The following TCN2 variants were observed in gnomAD, a reference collection of about 807,000 sequenced individuals.
The protein encoded by TCN2 is transcobalamin 2, also known as transcobalamin-2.
A neutral mutation model predicts 48.6 loss-of-function variants in TCN2; 34 were observed. The ratio of observed to expected loss-of-function variants is 0.70; its 90% confidence interval spans 0.53 to 0.93. The LOEUF (loss-of-function observed/expected upper bound fraction) is 0.93. Ranked by LOEUF, TCN2 falls within the 40% of genes least tolerant of loss-of-function variation. TCN2 has a pLI of 0.00. For synonymous variants in TCN2, 283 were observed against 212.5 expected, an observed-to-expected ratio of 1.33 and a Z score of -2.89; for missense variants, 652 against 526.1, an observed-to-expected ratio of 1.24 and a Z score of -2.34.
At chr22:30,624,894 A>G (rs1050961460) in intron 8 of TCN2, among the ~76,000 whole-genome samples, 7 of 152,212 alleles carry the variant, frequency 4.6e-5, no homozygotes, top group Non-Finnish European at 1.0e-4. Flanking sequence ...CTGCTATTAC[A>G]AAATACCATA....
rs1048963109 is a variant in TCN2 at position 30,623,713 on chromosome 22, CAG to C, written c.1222+632_1222+633del. ...CATATATATGAAATATATATATATA[CAG>C]ACACACATATATATGTATACATATA... On this transcript the variant is annotated intron_variant, in intron 8 of 8. Coordinates refer to ENST00000215838, the MANE Select transcript of TCN2 (RefSeq NM_000355.4). Among the ~76,000 whole-genome samples the C allele has an allele frequency of 1.2e-3, 118 of 97,634 alleles. 3 individuals are homozygous for C. Among genetic ancestry groups the C allele is most frequent in the African/African-American group, 3.5e-3 (78 of 22,258 alleles). The allele number at this position is 97,634 out of a possible 152,430, so 64.1% of individuals were successfully genotyped here.
intron 6 of TCN2, among the ~76,000 whole-genome samples, chr22:30,616,890 G>C (rs2145547287): frequency 6.6e-6 from 1 of 152,294 alleles, no homozygotes; most frequent in South Asian, 2.1e-4. Flanking sequence ...GAATTTTGAG[G>C]AATGGTCTTG....
chr22:30,617,478 T>C lies in TCN2; in HGVS notation c.1089T>C (p.His363=). 1 of 1,614,076 alleles carries C rather than the reference T, an allele frequency of 6.2e-7. No homozygotes were observed. Among genetic ancestry groups the C allele is most frequent in the Non-Finnish European group, 8.5e-7 (1 of 1,180,000 alleles). ...TGGAAGATGTCCTGAAGAAGGCCCA[T>C]GAGTTAGGAGGATTCACGTGAGACT... ...STVEDVLKKA[H]ELGGFTYETQ... The change falls in exon 7 of 9, where the codon CAT becomes CAC. Residue 363 remains histidine (H), a synonymous_variant. Coordinates refer to ENST00000215838, the MANE Select transcript of TCN2 (RefSeq NM_000355.4).
chr22:30,623,201 T>A, intron 8 of TCN2, 118 bp downstream of exon 8: 1 of 881,660 alleles, frequency 1.1e-6, no homozygotes, highest in Non-Finnish European at 1.8e-6. Context: ...CTTCACAAAA[T>A]CACTGATGCT....
chr22:30,613,048 C>G lies in TCN2; in HGVS notation c.427+6C>G, dbSNP rs537017994. ...GGATGAGAAGAGAGCCATTGGTGAG[C>G]AGACACCATCCGCTGGGGGTGGGGA... On this transcript the variant is annotated splice_donor_region_variant and intron_variant, in intron 3 of 8. Transcript: ENST00000215838. 19 of 1,613,722 alleles carry G rather than the reference C, an allele frequency of 1.2e-5. No homozygotes were observed. The East Asian group carries it at 4.0e-4, about 34-fold the overall frequency.
rs1332646331 is a variant in TCN2, at chr22:30,607,395, G to A, written c.64G>A (p.Glu22Lys). The change falls in exon 1 of 9, where the codon GAA (glutamate) becomes AAA (lysine). Residue 22 changes from glutamate to lysine, a missense_variant and splice_region_variant. By Grantham distance (56) the Glu-to-Lys change is moderately conservative. Transcript: ENST00000215838. ...GVLGALTEMC[E>K]IPEMDSHLVE... ...CCTGGGGGCCCTCACTGAGATGTGT[G>A]GTGAGTAACTCGCCTCTATCCTGTG... 4 of 1,614,008 alleles carry A rather than the reference G, an allele frequency of 2.5e-6. No homozygotes were observed. The highest frequency in any genetic ancestry group is 2.7e-5 in the African/African-American group (2 of 74,894).
At chr22:30,618,544 GT>G (rs1602051106) in intron 7 of TCN2, among the ~76,000 whole-genome samples, 1 of 152,126 alleles carries the variant, frequency 6.6e-6, no homozygotes, top group Non-Finnish European at 1.5e-5. Context: ...TAGAGACAGG[GT>G]TTTACTATGT....
chr22:30,625,509 G>A lies in TCN2; in HGVS notation c.1223-951G>A, dbSNP rs553272870. On this transcript the variant is annotated intron_variant, in intron 8 of 8. Coordinates refer to ENST00000215838, the MANE Select transcript of TCN2 (RefSeq NM_000355.4). ...ATGGGGGTCTCACTCTGTCACCCAC[G>A]CTGAGTGCAGTATCACAATCTCAGC... Among the ~76,000 whole-genome samples the A allele has an allele frequency of 1.1e-4, 17 of 151,490 alleles. 1 individual carries two copies. The highest frequency in any genetic ancestry group is 4.2e-4 in the South Asian group (2 of 4,794).
chr22:30,615,842 G>A, intron 6 of TCN2, 55 bp downstream of exon 6: 2 of 1,606,440 alleles, frequency 1.2e-6, no homozygotes, highest in Non-Finnish European at 8.5e-7. Context: ...CGCACCCATT[G>A]ACGTCCCAGT....
chr22:30,615,380 C>G lies in TCN2; in HGVS notation c.660C>G (p.Thr220=), dbSNP rs2087597240. Reference sequence around the variant, plus strand: ...ACCCTGGTCGGAGACAACGGATCACCATGGCCATCAGAACAGTGCGAGAGG... The same window carrying G: ...ACCCTGGTCGGAGACAACGGATCACGATGGCCATCAGAACAGTGCGAGAGG... ...NFNPGRRQRI[T]MAIRTVREEI... The change falls in exon 5 of 9, where the codon ACC becomes ACG. Residue 220 remains threonine (T), a synonymous_variant. Coordinates refer to ENST00000215838, the MANE Select transcript of TCN2 (RefSeq NM_000355.4). 1 of 1,614,088 alleles carries G rather than the reference C, an allele frequency of 6.2e-7. No homozygotes were observed. Among genetic ancestry groups the G allele is most frequent in the African/African-American group, 1.3e-5 (1 of 74,936 alleles).
intron 7 of TCN2, among the ~76,000 whole-genome samples, chr22:30,618,177 T>C (rs1391012509): frequency 6.6e-6 from 1 of 150,428 alleles, no homozygotes. Context: ...CTCAAATTCC[T>C]GGCCTCAAAC....
chr22:30,607,798 G>GGGA (rs760988529), intron 1 of TCN2, among the ~76,000 whole-genome samples: 56 of 152,064 alleles, frequency 3.7e-4, no homozygotes, highest in Non-Finnish European at 1.6e-4. Flanking sequence ...GAGGCGGGAG[G>GGGA]GGAGGATCGC....
intron 7 of TCN2, among the ~76,000 whole-genome samples, chr22:30,622,085 T>C (rs8141515): frequency 0.11 from 17,205 of 152,146 alleles, 2,147 homozygotes; most frequent in African/African-American, 0.3. Context: ...CGTCCCGGGT[T>C]CAAGCGGTTC....
chr22:30,613,466 G>A (rs1272059128), intron 3 of TCN2, among the ~76,000 whole-genome samples: 4 of 151,956 alleles, frequency 2.6e-5, no homozygotes, highest in Admixed American at 6.6e-5. Flanking sequence ...TTTAGTAGAC[G>A]TGGGGTTTCT....
chr22:30,610,111 G>A (rs902840097), intron 1 of TCN2: 7 of 443,386 alleles, frequency 1.6e-5, no homozygotes, highest in African/African-American at 1.4e-4. Flanking sequence ...TCCGCTTCCA[G>A]AGTGTTTGAG....
intron 2 of TCN2, among the ~76,000 whole-genome samples, chr22:30,612,259 A>T (rs2087552747): frequency 6.6e-6 from 1 of 150,680 alleles, no homozygotes; most frequent in African/African-American, 2.4e-5. Context: ...AAAAAAAAAT[A>T]AAAATATGGC....
At chr22:30,614,928 A>C (rs1318363987) in intron 4 of TCN2, among the ~76,000 whole-genome samples, 1 of 152,148 alleles carries the variant, frequency 6.6e-6, no homozygotes, top group African/African-American at 2.4e-5. Flanking sequence ...ATAAAAAATA[A>C]AATAAAACTC....
In TCN2 at chr22:30,607,365, G is replaced by A; in HGVS notation, c.34G>A (p.Gly12Arg). The A allele has an allele frequency of 6.2e-7, 1 of 1,614,084 alleles. No homozygotes were observed. The highest frequency in any genetic ancestry group is 1.1e-5 in the South Asian group (1 of 91,078). The change falls in exon 1 of 9, where the codon GGG becomes AGG. Residue 12 changes from glycine to arginine, a missense_variant. Coordinates refer to ENST00000215838, the MANE Select transcript of TCN2 (RefSeq NM_000355.4). ...CCTTGGGGCCTTCCTCTTCCTTCTGGGGGTCCTGGGGGCCCTCACTGAGAT... is the reference window on the plus strand; with the variant it reads ...CCTTGGGGCCTTCCTCTTCCTTCTGAGGGTCCTGGGGGCCCTCACTGAGAT... The part of the protein sequence containing the change: ...RHLGAFLFLL[G>R]VLGALTEMCE...
rs2087465052 is a variant in TCN2 at position 30,607,191 on chromosome 22, T to C, written c.-141T>C. On this transcript the variant is annotated 5_prime_UTR_variant, in exon 1 of 9. Coordinates refer to ENST00000215838, the MANE Select transcript of TCN2 (RefSeq NM_000355.4). ...ACCCCTCTGCAGACTTAGCCGTGCA[T>C]TGCAGGCATGGAGGATTAATCAGTG... The C allele has an allele frequency of 1.3e-6, 1 of 782,674 alleles. No individual in the cohort carries two copies. Among genetic ancestry groups the C allele is most frequent in the Non-Finnish European group, 2.1e-6 (1 of 466,504 alleles). The allele number at this position is 782,674 out of a possible 1,614,324, so 48.5% of individuals were successfully genotyped here.
Sources: gnomAD v4.1 joint callset for allele counts (sites outside exome capture counted in the v4.1 genomes callset) on GRCh38, gnomAD v4.1.1 for gene constraint, MANE v1.5 for transcripts, NCBI Gene and HGNC (gene_info 2026-07-23, HGNC 2026-07-21) for gene names.